The following SAA2 variants were observed in gnomAD, a reference collection of about 807,000 sequenced individuals.
SAA2 encodes serum amyloid A-2 protein.
Under a neutral mutation model 9.1 loss-of-function variants are expected in SAA2, and 5 were observed. The ratio of observed to expected loss-of-function variants is 0.55; its 90% CI spans 0.29 to 1.16. The LOEUF (loss-of-function observed/expected upper bound fraction) is 1.16, where lower values mean the gene tolerates loss of function less well. SAA2 is among the 50% of genes most tolerant of loss of function. SAA2 has a pLI of 0.09. For missense variants in SAA2, 94 were observed against 153.8 expected (o/e 0.61, Z 2.06); for synonymous variants, 49 against 59.8 (o/e 0.82, Z 0.83).
At chr11:18,241,975 G>A (rs151057024), downstream of SAA2, among the ~76,000 whole-genome samples, 8 of 152,184 alleles carry the variant, frequency 5.3e-5, no homozygotes, top group Non-Finnish European at 7.4e-5. Context: ...ATTTCTGAAC[G>A]TTTGAAATAA....
At chr11:18,243,182 C>T (rs1399694051), downstream of SAA2, among the ~76,000 whole-genome samples, 1 of 151,756 alleles carries the variant, frequency 6.6e-6, no homozygotes, top group Non-Finnish European at 1.5e-5. Flanking sequence ...TGATTTGGTC[C>T]TTTACAGACG....
downstream of SAA2, chr11:18,245,232 T>G: frequency 1.4e-6 from 2 of 1,463,430 alleles, no homozygotes; most frequent in Non-Finnish European, 1.8e-6. Flanking sequence ...ACACACTGTT[T>G]CAACAAATTC....
At chr11:18,247,449 T>G (rs1483134874) in intron 2 of SAA2, among the ~76,000 whole-genome samples, 1 of 145,286 alleles carries the variant, frequency 6.9e-6, no homozygotes, top group African/African-American at 2.7e-5. Flanking sequence ...AACAAACAGC[T>G]CAGGTGCTCC....
At chr11:18,246,981 T>C (rs1215694248) in intron 2 of SAA2, among the ~76,000 whole-genome samples, 6 of 152,012 alleles carry the variant, frequency 3.9e-5, no homozygotes, top group African/African-American at 1.5e-4. Flanking sequence ...CTCTGGGAGG[T>C]GGTCAGTGAT....
chr11:18,239,648 G>A, exon 4 of SAA2: 1 of 425,664 alleles, frequency 2.3e-6, no homozygotes, highest in East Asian at 3.5e-5. Context: ...TCTCCATCAG[G>A]GATTCTGGAA....
downstream of SAA2, among the ~76,000 whole-genome samples, chr11:18,244,246 T>A (rs948070182): frequency 2.0e-5 from 3 of 152,320 alleles, no homozygotes; most frequent in Middle Eastern, 3.4e-3. Flanking sequence ...CAAGATACAG[T>A]TCACTCCAGA....
chr11:18,242,412 T>C (rs1003229012), downstream of SAA2: 1 of 192,176 alleles, frequency 5.2e-6, no homozygotes, highest in Non-Finnish European at 1.1e-5. Context: ...CTTCAACAGA[T>C]TGGGTGATGC....
downstream of SAA2, among the ~76,000 whole-genome samples, chr11:18,241,369 C>G (rs913505273): frequency 1.3e-5 from 2 of 152,210 alleles, no homozygotes; most frequent in Non-Finnish European, 2.9e-5. Flanking sequence ...TTTGACCCAG[C>G]AGTCCCATTA....
downstream of SAA2, among the ~76,000 whole-genome samples, chr11:18,244,465 T>C (rs992234443): frequency 6.6e-6 from 1 of 152,226 alleles, no homozygotes; most frequent in Non-Finnish European, 1.5e-5. Context: ...CTATTTGCCA[T>C]CCAATGTCAG....
chr11:18,246,556 G>T (rs1196011801), intron 2 of SAA2, among the ~76,000 whole-genome samples: 1 of 151,990 alleles, frequency 6.6e-6, no homozygotes, highest in South Asian at 2.1e-4. Context: ...TTTTTTAGAC[G>T]GAGTCTCACT....
downstream of SAA2, among the ~76,000 whole-genome samples, chr11:18,244,938 C>A (rs1857458279): frequency 6.6e-6 from 1 of 152,078 alleles, no homozygotes; most frequent in Admixed American, 6.5e-5. Context: ...AAACAGAGAT[C>A]ACTGAGGAAT....
downstream of SAA2, among the ~76,000 whole-genome samples, chr11:18,243,250 T>C (rs954427713): frequency 1.3e-5 from 2 of 152,194 alleles, no homozygotes; most frequent in African/African-American, 4.8e-5. Context: ...AGTAATAATA[T>C]GTTGATTGCA....
chr11:18,245,052 T>C (rs536809286), downstream of SAA2, among the ~76,000 whole-genome samples: 1 of 152,238 alleles, frequency 6.6e-6, no homozygotes, highest in East Asian at 1.9e-4. Context: ...CACAAAGGTC[T>C]GGAAAAAAGG....
chr11:18,240,341 T>C (rs944957014), downstream of SAA2: 8 of 701,948 alleles, frequency 1.1e-5, no homozygotes, highest in African/African-American at 3.5e-5. Flanking sequence ...TTCTCTTTCA[T>C]GGGATGCAGC....
downstream of SAA2, among the ~76,000 whole-genome samples, chr11:18,241,031 C>T (rs188102588): frequency 4.6e-5 from 7 of 152,180 alleles, no homozygotes; most frequent in African/African-American, 1.7e-4. Context: ...AAGGAAATAA[C>T]CCCATTAAAA....
At position 18,245,353 on chromosome 11, in the gene SAA2, C is replaced by G. The variant is rs111914971; in HGVS notation, c.*24G>C. On this transcript the variant is annotated 3_prime_UTR_variant, in exon 4 of 4. Coordinates refer to ENST00000256733, the MANE Select transcript of SAA2 (RefSeq NM_030754.5). ...CCCGAGGGCCTCATAGCCAGGTCTC[C>G]TGAGAGCAGAGTGAAGAGGAAGCTC... 7.1e-5 allele frequency: 114 copies of G among 1,613,856 alleles called. 1 individual carries two copies. The African/African-American group carries it at 1.1e-3, about 16-fold the overall frequency.
chr11:18,239,806 G>A (rs773192334), exon 4 of SAA2: 2 of 1,017,024 alleles, frequency 2.0e-6, no homozygotes, highest in Non-Finnish European at 2.8e-6. Context: ...TCCACATGCT[G>A]AGGGAGCTCA....
chr11:18,241,350 G>C (rs1857340732), downstream of SAA2, among the ~76,000 whole-genome samples: 1 of 152,172 alleles, frequency 6.6e-6, no homozygotes, highest in African/African-American at 2.4e-5. Flanking sequence ...ACTAAAAATA[G>C]AGCTACCATT....
At chr11:18,243,070 T>C (rs570189880), downstream of SAA2, among the ~76,000 whole-genome samples, 8 of 152,046 alleles carry the variant, frequency 5.3e-5, no homozygotes, top group Non-Finnish European at 8.8e-5. Flanking sequence ...AATTTCGATT[T>C]AAAAATTTTT....
Sources: allele counts gnomAD v4.1 joint callset (sites outside exome capture counted in the v4.1 genomes callset), GRCh38; gene constraint gnomAD v4.1.1; transcripts MANE v1.5; gene names NCBI Gene and HGNC (gene_info 2026-07-23, HGNC 2026-07-21).